The following RTN1 variants were observed in gnomAD, a reference collection of about 807,000 sequenced individuals.
RTN1 encodes the protein reticulon 1.
In RTN1, 25 loss-of-function variants were observed where a neutral mutation model predicts 65.5. That is an observed-to-expected ratio of 0.38 (90% CI 0.28 to 0.53). RTN1 has a LOEUF of 0.53. Ranked by LOEUF, RTN1 falls within the 20% of genes least tolerant of loss-of-function variation. RTN1 has a pLI of 0.79. For synonymous variants in RTN1, 471 were observed against 447.6 expected (o/e 1.05, Z -0.66); for missense variants, 983 against 1,025.4 (o/e 0.96, Z 0.57).
intron 3 of RTN1, among the ~76,000 whole-genome samples, chr14:59,695,519 A>T (rs1884045105): frequency 6.6e-6 from 1 of 152,196 alleles, no homozygotes; most frequent in Non-Finnish European, 1.5e-5. Context: ...CCTGGGTTCC[A>T]AAACGAAAAC....
intron 3 of RTN1, among the ~76,000 whole-genome samples, chr14:59,650,905 C>T (rs1208950999): frequency 6.6e-6 from 1 of 152,136 alleles, no homozygotes; most frequent in Non-Finnish European, 1.5e-5. Flanking sequence ...AAGACATAGG[C>T]ATGGGGTCTG....
At chr14:59,744,928 A>C (rs539501742) in intron 2 of RTN1, among the ~76,000 whole-genome samples, 1 of 152,216 alleles carries the variant, frequency 6.6e-6, no homozygotes, top group East Asian at 1.9e-4. Context: ...TTAATACCCA[A>C]TGTGGCAGTA....
At chr14:59,777,724 C>G (rs769464757) in intron 1 of RTN1, among the ~76,000 whole-genome samples, 3 of 151,392 alleles carry the variant, frequency 2.0e-5, no homozygotes, top group African/African-American at 7.3e-5. Flanking sequence ...GTATTTCCAG[C>G]AAAATATAAT....
rs1886410716 is a variant in RTN1 at position 59,794,790 on chromosome 14, GT to G, written c.242-48310del. The stretch of plus-strand genomic sequence containing the variant: ...TCAGAAGTAGCATACATCACTTGTA[GT>G]CATAGTCTATTGACCAGAGGATGGT... On this transcript the variant is annotated intron_variant, in intron 1 of 8. Coordinates refer to ENST00000267484, the MANE Select transcript of RTN1 (RefSeq NM_021136.3). This position sits in a 1 kb window ranked among gnomAD's most constrained non-coding sequence, Gnocchi z 5.1. Among the ~76,000 whole-genome samples the G allele has an allele frequency of 1.3e-5, 2 of 152,182 alleles. No individual in the cohort carries two copies.
chr14:59,619,148 A>G (rs1882188514), intron 3 of RTN1, among the ~76,000 whole-genome samples: 1 of 152,238 alleles, frequency 6.6e-6, no homozygotes, highest in African/African-American at 2.4e-5. Context: ...GTTGACAAGA[A>G]TGGTGACTAA....
chr14:59,832,158 C>T (rs1887135625), intron 1 of RTN1, among the ~76,000 whole-genome samples: 1 of 152,112 alleles, frequency 6.6e-6, no homozygotes, highest in Admixed American at 6.5e-5. Context: ...AATGAAGGCC[C>T]AGTGTAAGGA....
intron 1 of RTN1, among the ~76,000 whole-genome samples, chr14:59,860,586 T>C (rs533940211): frequency 6.1e-4 from 93 of 152,214 alleles, no homozygotes; most frequent in Non-Finnish European, 1.2e-3. Flanking sequence ...GAACAGTAGA[T>C]CCATCGACAG....
At chr14:59,737,574 A>G (rs1885026255) in intron 2 of RTN1, among the ~76,000 whole-genome samples, 1 of 152,238 alleles carries the variant, frequency 6.6e-6, no homozygotes, top group East Asian at 1.9e-4. Context: ...TATCATGAAA[A>G]TGGCCATACT....
chr14:59,710,212 T>C (rs1884388143), intron 3 of RTN1, among the ~76,000 whole-genome samples: 1 of 150,798 alleles, frequency 6.6e-6, no homozygotes, highest in Non-Finnish European at 1.5e-5. Context: ...CTGGCCAATT[T>C]TTGTATCTTT....
At chr14:59,842,006 G>C (rs1887322429) in intron 1 of RTN1, among the ~76,000 whole-genome samples, 1 of 151,540 alleles carries the variant, frequency 6.6e-6, no homozygotes, top group Non-Finnish European at 1.5e-5. Flanking sequence ...CGTGCCTGTA[G>C]TCCCAGCTAC....
At chr14:59,607,218 G>T in intron 4 of RTN1, 67 bp downstream of exon 4, 1 of 1,404,890 alleles carries the variant, frequency 7.1e-7, no homozygotes, top group Non-Finnish European at 1.0e-6. Context: ...GCATCTGTGA[G>T]CTGAAATACA....
chr14:59,659,576 G>A (rs1426048006), intron 3 of RTN1, among the ~76,000 whole-genome samples: 2 of 152,144 alleles, frequency 1.3e-5, no homozygotes, highest in East Asian at 1.9e-4. Context: ...AGAGAGTGGG[G>A]ACCAATATGC....
intron 1 of RTN1, among the ~76,000 whole-genome samples, chr14:59,848,235 G>A (rs1887443300): frequency 6.6e-6 from 1 of 152,218 alleles, no homozygotes; most frequent in Non-Finnish European, 1.5e-5. Flanking sequence ...TTTGAGGGCA[G>A]AGCATGCAGG....
At chr14:59,669,311 T>C (rs1386808632) in intron 3 of RTN1, among the ~76,000 whole-genome samples, 1 of 152,120 alleles carries the variant, frequency 6.6e-6, no homozygotes, top group Non-Finnish European at 1.5e-5. Context: ...TGCAGGGACA[T>C]GGATGGAGTT....
intron 2 of RTN1, among the ~76,000 whole-genome samples, chr14:59,738,337 G>A (rs1566705588): frequency 6.6e-6 from 1 of 152,016 alleles, no homozygotes; most frequent in Admixed American, 6.5e-5. Flanking sequence ...TTAAAAATTG[G>A]GCAAAGGACA....
At chr14:59,764,774 T>C (rs1438481945) in intron 1 of RTN1, among the ~76,000 whole-genome samples, 1 of 152,224 alleles carries the variant, frequency 6.6e-6, no homozygotes, top group Non-Finnish European at 1.5e-5. Flanking sequence ...TTATCTTTTA[T>C]ATGAATGGGA....
At chr14:59,865,614 A>C (rs2139680145) in intron 1 of RTN1, among the ~76,000 whole-genome samples, 1 of 152,156 alleles carries the variant, frequency 6.6e-6, no homozygotes, top group African/African-American at 2.4e-5. Flanking sequence ...CACTCTTCTC[A>C]CTGTTCTCTT....
rs1384909738 is a variant in RTN1, at chr14:59,870,061, T to C, written c.241+329A>G. Among the ~76,000 whole-genome samples the C allele has an allele frequency of 1.3e-5, 2 of 152,164 alleles. No individual in the cohort carries two copies. The highest frequency in any genetic ancestry group is 2.4e-5 in the African/African-American group (1 of 41,450). On this transcript the variant is annotated intron_variant, in intron 1 of 8. Transcript: ENST00000267484. The surrounding 1 kb of genome is among the most constrained non-coding windows in gnomAD (Gnocchi z 5.1). ...ACGGGCCCTACAGCTCGGAGCCTCC[T>C]GGCAGGAGGGAGAAACTTGTACCCA...
rs765010604 is a variant in RTN1, at chr14:59,727,334, C to T, written c.1350G>A (p.Gln450=). The change falls in exon 3 of 9, where the codon CAG becomes CAA. Residue 450 remains glutamine, a synonymous_variant. Transcript: ENST00000267484. The surrounding 1 kb of genome is among the most constrained non-coding windows in gnomAD (Gnocchi z 4.2). ...PPPSPASPSI[Q]YSILREEREA... is the part of the protein sequence containing the mutation. ...CGCGCTCCTCCCTCAGGATGCTGTA[C>T]TGGATGGATGGCGAGGCGGGCGAGG... is the stretch of plus-strand genomic sequence containing the variant. The T allele has an allele frequency of 4.7e-5, 71 of 1,517,888 alleles. No homozygotes were observed. Among genetic ancestry groups the T allele is most frequent in the Non-Finnish European group, 4.4e-6 (5 of 1,131,524 alleles). The allele number at this position is 1,517,888 out of a possible 1,614,324, so 94.0% of individuals were successfully genotyped here. A position where few individuals can be genotyped will look rare whatever the true frequency, so the allele number is the denominator to read the frequency against.
Sources: allele counts gnomAD v4.1 joint callset (sites outside exome capture counted in the v4.1 genomes callset), GRCh38; gene constraint gnomAD v4.1.1; non-coding constraint Gnocchi (gnomAD v3.1); transcripts MANE v1.5; gene names NCBI Gene and HGNC (gene_info 2026-07-23, HGNC 2026-07-21).